ITPR2: variants seen among roughly 807,000 people sequenced by gnomAD.
ITPR2 encodes inositol 1,4,5-trisphosphate-gated calcium channel ITPR2.
Under a neutral mutation model 317.1 loss-of-function variants are expected in ITPR2, and 207 were observed. That is an observed-to-expected ratio of 0.65 (90% CI 0.58 to 0.73). ITPR2 has a LOEUF of 0.73. Among genes scored for constraint, ITPR2 ranks in the 30% least tolerant of loss-of-function variants. The pLI, the probability that ITPR2 is intolerant of heterozygous loss-of-function variation, is 0.00. For missense variants in ITPR2, 2,613 were observed against 3,284.0 expected, an observed-to-expected ratio of 0.80 and a Z score of 4.99; for synonymous variants, 1,156 against 1,149.1, an observed-to-expected ratio of 1.01 and a Z score of -0.12.
chr12:26,625,290 A>G (rs1265193797), intron 23 of ITPR2, among the ~76,000 whole-genome samples: 1 of 152,184 alleles, frequency 6.6e-6, no homozygotes, highest in East Asian at 1.9e-4. Context: ...ACTATAGTCA[A>G]TAATAATTTG....
At chr12:26,561,001 A>G (rs1223309520) in intron 35 of ITPR2, among the ~76,000 whole-genome samples, 1 of 152,198 alleles carries the variant, frequency 6.6e-6, no homozygotes, top group Admixed American at 6.5e-5. Flanking sequence ...GGCCTAACTC[A>G]CAGTACCTCA....
intron 37 of ITPR2, among the ~76,000 whole-genome samples, chr12:26,525,171 C>A (rs1435943274): frequency 6.6e-6 from 1 of 152,086 alleles, no homozygotes; most frequent in African/African-American, 2.4e-5. Flanking sequence ...ATATCACTAC[C>A]ATGAGGAGAG....
At chr12:26,626,049 C>T (rs1031508384) in intron 23 of ITPR2, among the ~76,000 whole-genome samples, 3 of 152,180 alleles carry the variant, frequency 2.0e-5, no homozygotes, top group Non-Finnish European at 4.4e-5. Flanking sequence ...GCAGCGTCGA[C>T]CTTCCAGGCT....
chr12:26,416,791 A>C (rs1021296), intron 50 of ITPR2, among the ~76,000 whole-genome samples: 19,534 of 152,184 alleles, frequency 0.13, 1,933 homozygotes, highest in East Asian at 0.37. Context: ...TGGCTTATTA[A>C]ATTTATTTAA....
intron 1 of ITPR2, among the ~76,000 whole-genome samples, chr12:26,816,679 T>C (rs1950859886): frequency 6.6e-6 from 1 of 152,114 alleles, no homozygotes; most frequent in Non-Finnish European, 1.5e-5. Flanking sequence ...ATTAAAACTA[T>C]AATTGCGGTA....
chr12:26,789,378 T>C (rs539190816), intron 2 of ITPR2, among the ~76,000 whole-genome samples: 2 of 152,250 alleles, frequency 1.3e-5, no homozygotes, highest in Non-Finnish European at 2.9e-5. Flanking sequence ...CAATCTTCAC[T>C]TGGGCTGGTG....
At chr12:26,549,457 C>T (rs11048574) in intron 37 of ITPR2, among the ~76,000 whole-genome samples, 53,060 of 151,980 alleles carry the variant, frequency 0.35, 11,305 homozygotes, top group South Asian at 0.49. Flanking sequence ...TAAAGTAATA[C>T]ATAAAATCCT....
intron 2 of ITPR2, among the ~76,000 whole-genome samples, chr12:26,746,286 A>T (rs887408046): frequency 4.6e-5 from 7 of 152,156 alleles, no homozygotes; most frequent in African/African-American, 1.7e-4. Context: ...TAAAATATGC[A>T]TGCAAATGGA....
intron 55 of ITPR2, among the ~76,000 whole-genome samples, chr12:26,352,966 C>T (rs905949153): frequency 2.0e-5 from 3 of 152,176 alleles, no homozygotes; most frequent in African/African-American, 7.2e-5. Flanking sequence ...ATAATTGAGG[C>T]TTACTCAAAT....
At chr12:26,360,566 C>A (rs531805539) in intron 55 of ITPR2, among the ~76,000 whole-genome samples, 2 of 152,268 alleles carry the variant, frequency 1.3e-5, no homozygotes, top group African/African-American at 4.8e-5. Context: ...TGAATACATG[C>A]CTACTTAACT....
chr12:26,703,143 T>C (rs867141084), intron 9 of ITPR2, among the ~76,000 whole-genome samples: 1 of 152,230 alleles, frequency 6.6e-6, no homozygotes, highest in Non-Finnish European at 1.5e-5. Context: ...GATCTTCTTA[T>C]CTAATTTGTG....
rs1412142083 is a variant in ITPR2, at chr12:26,337,766, T to C, written c.*1631A>G. 2 of 152,190 alleles carry C rather than the reference T, an allele frequency of 1.3e-5. No individual in the cohort carries two copies. The highest frequency in any genetic ancestry group is 2.9e-5 in the Non-Finnish European group (2 of 68,032). 9.4% of individuals were successfully genotyped at this position (152,190 alleles called of 1,614,324 possible). On this transcript the variant is annotated 3_prime_UTR_variant, in exon 57 of 57. Transcript: ENST00000381340. Reference sequence around the variant, plus strand: ...ATGTCAGAGTGAGGAATTCTTAGTATGAGGTGGTGCTGGGGAGTACCAGTA... The same window carrying C: ...ATGTCAGAGTGAGGAATTCTTAGTACGAGGTGGTGCTGGGGAGTACCAGTA...
intron 39 of ITPR2, among the ~76,000 whole-genome samples, chr12:26,490,553 C>T (rs2136861653): frequency 6.6e-6 from 1 of 152,360 alleles, no homozygotes; most frequent in African/African-American, 2.4e-5. Flanking sequence ...TGGCTCATGC[C>T]TGTAATCCCA....
intron 39 of ITPR2, among the ~76,000 whole-genome samples, chr12:26,492,806 A>G (rs1942837943): frequency 6.6e-6 from 1 of 152,146 alleles, no homozygotes; most frequent in Non-Finnish European, 1.5e-5. Flanking sequence ...CAAATAGCTG[A>G]AAGAATTTTA....
intron 55 of ITPR2, among the ~76,000 whole-genome samples, chr12:26,381,504 T>C (rs1304303274): frequency 6.6e-6 from 1 of 152,222 alleles, no homozygotes; most frequent in Non-Finnish European, 1.5e-5. Context: ...TTGCTGTTAA[T>C]ACATATTACA....
At chr12:26,611,298 A>AT (rs1193946217) in intron 26 of ITPR2, among the ~76,000 whole-genome samples, 1 of 152,226 alleles carries the variant, frequency 6.6e-6, no homozygotes, top group Non-Finnish European at 1.5e-5. Flanking sequence ...CCCTAGGGAC[A>AT]TTTTTTAGTT....
At chr12:26,436,182 T>C in intron 48 of ITPR2, 39 bp downstream of exon 48, 1 of 1,483,346 alleles carries the variant, frequency 6.7e-7, no homozygotes, top group Non-Finnish European at 9.0e-7. Context: ...AAGTGGGAAC[T>C]TTAAAATATT....
At chr12:26,670,089 C>A (rs1947724783) in intron 13 of ITPR2, among the ~76,000 whole-genome samples, 1 of 152,246 alleles carries the variant, frequency 6.6e-6, no homozygotes, top group African/African-American at 2.4e-5. Context: ...GGAGGCCTGC[C>A]TGCCTCTGTA....
At chr12:26,595,326 T>A (rs1306217949) in intron 32 of ITPR2, 139 bp downstream of exon 32, 10 of 788,874 alleles carry the variant, frequency 1.3e-5, no homozygotes, top group South Asian at 1.2e-4. Context: ...CACAATCTTC[T>A]GAAATTTATT....
Sources: allele counts gnomAD v4.1 joint callset (sites outside exome capture counted in the v4.1 genomes callset), GRCh38; gene constraint gnomAD v4.1.1; transcripts MANE v1.5; gene names NCBI Gene and HGNC (gene_info 2026-07-23, HGNC 2026-07-21).